The following THSD7B variants were observed in gnomAD, a reference collection of about 807,000 sequenced individuals.
THSD7B encodes thrombospondin type-1 domain-containing protein 7B.
Under a neutral mutation model 213.6 loss-of-function variants are expected in THSD7B, and 138 were observed. The ratio of observed to expected loss-of-function variants is 0.65; its 90% CI spans 0.56 to 0.74. THSD7B has a LOEUF of 0.74. Ranked by LOEUF, THSD7B falls within the 30% of genes least tolerant of loss-of-function variation. The pLI, the probability that THSD7B is intolerant of heterozygous loss-of-function variation, is 0.00. For missense variants in THSD7B, 1,931 were observed against 1,991.5 expected (o/e 0.97, Z 0.58); for synonymous variants, 742 against 687.0 (o/e 1.08, Z -1.25).
chr2:137,047,609 C>G (rs1686993969), intron 2 of THSD7B, among the ~76,000 whole-genome samples: 1 of 152,168 alleles, frequency 6.6e-6, no homozygotes, highest in African/African-American at 2.4e-5. Context: ...GTCCACGTGT[C>G]TTGTTCCAGT....
At chr2:137,274,040 G>A (rs2104808893) in intron 11 of THSD7B, among the ~76,000 whole-genome samples, 1 of 152,114 alleles carries the variant, frequency 6.6e-6, no homozygotes, top group East Asian at 1.9e-4. Flanking sequence ...AGCTACTTGT[G>A]TTTGAGCTAG....
At chr2:137,245,301 A>T (rs1175632981) in intron 10 of THSD7B, among the ~76,000 whole-genome samples, 1 of 152,182 alleles carries the variant, frequency 6.6e-6, no homozygotes, top group African/African-American at 2.4e-5. Flanking sequence ...CAGTTTTCTA[A>T]TTTGTAAAAT....
intron 1 of THSD7B, among the ~76,000 whole-genome samples, chr2:136,832,779 T>G (rs75021201): frequency 0.036 from 5,472 of 152,264 alleles, 183 homozygotes; most frequent in East Asian, 0.17. Flanking sequence ...TATCCCCATT[T>G]TATAGTTAAG....
At chr2:137,259,666 C>CT (rs79020199) in intron 10 of THSD7B, among the ~76,000 whole-genome samples, 4,104 of 152,184 alleles carry the variant, frequency 0.027, 108 homozygotes, top group Middle Eastern at 0.095. Flanking sequence ...TCTTTTGCTG[C>CT]TTGCACAGTA....
chr2:137,044,616 A>C (rs1686937993), intron 2 of THSD7B, among the ~76,000 whole-genome samples: 2 of 152,218 alleles, frequency 1.3e-5, no homozygotes, highest in South Asian at 4.1e-4. Flanking sequence ...TAAATTAGAC[A>C]CAATAAGATT....
At chr2:137,625,073 C>G (rs1446870854) in intron 20 of THSD7B, among the ~76,000 whole-genome samples, 1 of 152,014 alleles carries the variant, frequency 6.6e-6, no homozygotes, top group African/African-American at 2.4e-5. Flanking sequence ...TTGGAACCAA[C>G]CCAAATGTCC....
Position 137,558,766 on chromosome 2 carries a change from T to G in THSD7B, c.3139-4455T>G, listed in dbSNP as rs549672850. Among the ~76,000 whole-genome samples the G allele has an allele frequency of 4.5e-4, 69 of 152,188 alleles. 1 individual carries two copies. The South Asian group carries it at 0.013, about 29-fold the overall frequency. On this transcript the variant is annotated intron_variant, in intron 15 of 27. Coordinates refer to ENST00000409968, the MANE Select transcript of THSD7B (RefSeq NM_001316349.2). ...TGGTATTCAATTAGGAAAAGAGGAATTCAAATTGTCCCTGTTTGCAGATGA... is the reference window on the plus strand; with the variant it reads ...TGGTATTCAATTAGGAAAAGAGGAAGTCAAATTGTCCCTGTTTGCAGATGA...
At chr2:137,664,920 C>A (rs1215644394) in intron 26 of THSD7B, among the ~76,000 whole-genome samples, 1 of 152,202 alleles carries the variant, frequency 6.6e-6, no homozygotes, top group Non-Finnish European at 1.5e-5. Context: ...ACCCTAGGAA[C>A]TCTCCTTCCA....
intron 15 of THSD7B, among the ~76,000 whole-genome samples, chr2:137,516,668 T>C (rs2105160200): frequency 6.6e-6 from 1 of 152,216 alleles, no homozygotes; most frequent in African/African-American, 2.4e-5. Flanking sequence ...GTCCACGGAC[T>C]CATTCTGTGG....
chr2:137,133,181 G>A lies in THSD7B; in HGVS notation c.1369+17888G>A, dbSNP rs1365696803. On this transcript the variant is annotated intron_variant, in intron 5 of 27. Coordinates refer to ENST00000409968, the MANE Select transcript of THSD7B (RefSeq NM_001316349.2). Reference sequence around the variant, plus strand: ...CTCTCTTTTCCTGTCTTGAGTCAACGGTGCAAAACTGGTTTGTTTTCTCTT... The same window carrying A: ...CTCTCTTTTCCTGTCTTGAGTCAACAGTGCAAAACTGGTTTGTTTTCTCTT... 2.0e-5 allele frequency among the ~76,000 whole-genome samples: 3 copies of A among 152,090 alleles called. No homozygotes were observed. In the East Asian group the frequency reaches 5.8e-4, roughly 29 times the overall value.
intron 12 of THSD7B, among the ~76,000 whole-genome samples, chr2:137,384,230 G>A (rs1459488764): frequency 6.6e-6 from 1 of 152,200 alleles, no homozygotes; most frequent in East Asian, 1.9e-4. Flanking sequence ...CTGGACACAA[G>A]CCAGTCACAG....
intron 7 of THSD7B, among the ~76,000 whole-genome samples, chr2:137,190,648 C>A (rs1202001322): frequency 6.6e-6 from 1 of 152,180 alleles, no homozygotes; most frequent in Non-Finnish European, 1.5e-5. Context: ...ACAGTAACAA[C>A]TTCAGTGCTG....
chr2:137,546,488 T>TA (rs1275378939), intron 15 of THSD7B, among the ~76,000 whole-genome samples: 1 of 80,238 alleles, frequency 1.2e-5, no homozygotes, highest in African/African-American at 5.1e-5. Flanking sequence ...AATATATATA[T>TA]ATATATATTA....
intron 15 of THSD7B, among the ~76,000 whole-genome samples, chr2:137,489,300 C>A (rs1688553259): frequency 6.6e-6 from 1 of 151,916 alleles, no homozygotes; most frequent in African/African-American, 2.4e-5. Context: ...TGGTGCACAC[C>A]TGTAGTCACC....
chr2:137,197,256 A>G lies in THSD7B; in HGVS notation c.1723+26318A>G, dbSNP rs553228557. ...AGCATTATTTCCAGTGTGAAGTTCC[A>G]CTGCTTATGTACACAGCAGAGAGAG... is the stretch of plus-strand genomic sequence containing the variant. On this transcript the variant is annotated intron_variant, in intron 7 of 27. Transcript: ENST00000409968. Among the ~76,000 whole-genome samples, 50 of 152,276 alleles carry G rather than the reference A, an allele frequency of 3.3e-4. 1 individual carries two copies. In the South Asian group the frequency reaches 0.01, roughly 31 times the overall value.
chr2:137,109,796 C>T (rs1404928270), intron 4 of THSD7B, among the ~76,000 whole-genome samples: 2 of 152,024 alleles, frequency 1.3e-5, no homozygotes, highest in Non-Finnish European at 2.9e-5. Flanking sequence ...GACCTGGTTC[C>T]TAACAGGCCG....
intron 5 of THSD7B, 95 bp downstream of exon 5, chr2:137,115,388 A>C: frequency 2.3e-6 from 3 of 1,290,434 alleles, no homozygotes; most frequent in Non-Finnish European, 3.1e-6. Context: ...AGTGACACTT[A>C]GCATTCACAC....
At chr2:137,276,083 C>G in intron 12 of THSD7B, 57 bp downstream of exon 12, 1 of 1,252,190 alleles carries the variant, frequency 8.0e-7, no homozygotes, top group African/African-American at 1.5e-5. Flanking sequence ...CATTATGTAA[C>G]TCATATGTGT....
At chr2:136,952,280 C>T (rs1474754362) in intron 2 of THSD7B, among the ~76,000 whole-genome samples, 3 of 151,990 alleles carry the variant, frequency 2.0e-5, no homozygotes, top group African/African-American at 7.3e-5. Context: ...TTTACTGGGT[C>T]ATGATATAGA....
Sources: gnomAD v4.1 joint callset for allele counts (sites outside exome capture counted in the v4.1 genomes callset) on GRCh38, gnomAD v4.1.1 for gene constraint, MANE v1.5 for transcripts, NCBI Gene and HGNC (gene_info 2026-07-23, HGNC 2026-07-21) for gene names.